The following C1QTNF7 variants were observed in gnomAD, a reference collection of about 807,000 sequenced individuals.
The protein encoded by C1QTNF7 is C1q and TNF related 7, also known as complement C1q tumor necrosis factor-related protein 7.
C1QTNF7 carries 15 observed loss-of-function variants against 19.6 expected under a neutral mutation model. That is an observed-to-expected ratio of 0.76 (90% CI 0.51 to 1.18). The LOEUF (loss-of-function observed/expected upper bound fraction) is 1.18. Among genes scored for constraint, C1QTNF7 ranks in the 50% most tolerant of loss-of-function variants. The probability of loss-of-function intolerance (pLI) is 0.00; values close to 1 mark genes in which losing one functional copy is unlikely to be tolerated. For synonymous variants in C1QTNF7, 142 were observed against 137.5 expected, an observed-to-expected ratio of 1.03 and a Z score of -0.23; for missense variants, 324 against 359.7, an observed-to-expected ratio of 0.90 and a Z score of 0.80.
At chr4:15,374,437 G>T in intron 1 of C1QTNF7, 1 of 425,970 alleles carries the variant, frequency 2.3e-6, no homozygotes, top group Non-Finnish European at 3.1e-6. Context: ...TCCCAAATAT[G>T]ATTTGGGGAG....
intron 1 of C1QTNF7, among the ~76,000 whole-genome samples, chr4:15,429,896 A>G (rs922504075): frequency 1.3e-5 from 2 of 152,126 alleles, no homozygotes; most frequent in African/African-American, 4.8e-5. Context: ...CACCACCAAC[A>G]TATTTTATTT....
At chr4:15,362,157 T>C (rs1346286786) in intron 1 of C1QTNF7, among the ~76,000 whole-genome samples, 1 of 152,178 alleles carries the variant, frequency 6.6e-6, no homozygotes, top group East Asian at 1.9e-4. Flanking sequence ...AATGAGTTAA[T>C]AATTTAAAGT....
chr4:15,428,289 T>A (rs1712144546), intron 1 of C1QTNF7, among the ~76,000 whole-genome samples, 183 bp downstream of exon 1: 1 of 152,168 alleles, frequency 6.6e-6, no homozygotes, highest in African/African-American at 2.4e-5. Context: ...GTTGCGGGAC[T>A]TCTCAGGACC....
intron 1 of C1QTNF7, among the ~76,000 whole-genome samples, chr4:15,365,471 G>A (rs560962379): frequency 1.1e-3 from 163 of 152,226 alleles, no homozygotes; most frequent in Non-Finnish European, 1.8e-3. Flanking sequence ...GTGATTTCAC[G>A]TGGTTCAACT....
At chr4:15,350,225 A>G (rs1410574622) in intron 1 of C1QTNF7, among the ~76,000 whole-genome samples, 7 of 79,064 alleles carry the variant, frequency 8.9e-5, no homozygotes, top group Admixed American at 1.5e-4. Context: ...GAGGGAAGGA[A>G]GGAGGAAAGA....
chr4:15,435,815 A>G lies in C1QTNF7; in HGVS notation c.72A>G (p.Lys24=), dbSNP rs1338602148. The G allele has an allele frequency of 6.2e-7, 1 of 1,614,144 alleles. No individual in the cohort carries two copies. Among genetic ancestry groups the G allele is most frequent in the South Asian group, 1.1e-5 (1 of 91,082 alleles). The part of the protein sequence containing the change: ...ASGQPRGNQL[K]GENYSPRYIC... ...GACAACCCCGGGGTAATCAGTTGAAAGGAGAGAACTACTCCCCCAGGTATA... is the reference window on the plus strand; with the variant it reads ...GACAACCCCGGGGTAATCAGTTGAAGGGAGAGAACTACTCCCCCAGGTATA... Residue 24 remains lysine, a synonymous_variant, in exon 2 of 3, where the codon AAA becomes AAG. Coordinates refer to ENST00000444304, the MANE Select transcript of C1QTNF7 (RefSeq NM_031911.5).
chr4:15,442,841 G>T lies in C1QTNF7; in HGVS notation c.*42G>T, dbSNP rs150973007. On this transcript the variant is annotated 3_prime_UTR_variant, in exon 3 of 3. Transcript: ENST00000444304. ...TGTGGTAAACACTCTGATTGAATCT[G>T]GGGTTCCAGAAGGTGGAACAAGCAG... The T allele has an allele frequency of 1.5e-5, 23 of 1,523,774 alleles. 1 individual carries two copies. In the African/African-American group the frequency reaches 2.4e-4, roughly 16 times the overall value. 94.4% of individuals were successfully genotyped at this position (1,523,774 alleles called of 1,614,324 possible). A position where few individuals can be genotyped will look rare whatever the true frequency, so the allele number is the denominator to read the frequency against.
At chr4:15,383,362 G>A (rs186726278) in intron 1 of C1QTNF7, among the ~76,000 whole-genome samples, 8 of 152,222 alleles carry the variant, frequency 5.3e-5, no homozygotes, top group East Asian at 1.9e-4. Flanking sequence ...AAATGGTTAC[G>A]CTAATACCAA....
upstream of C1QTNF7, among the ~76,000 whole-genome samples, chr4:15,423,545 G>A (rs867559353): frequency 6.6e-6 from 1 of 152,188 alleles, no homozygotes; most frequent in African/African-American, 2.4e-5. Context: ...GCGGCAGCAG[G>A]CACCACCTCT....
chr4:15,418,456 G>A (rs559482245), intron 1 of C1QTNF7, among the ~76,000 whole-genome samples: 21 of 151,966 alleles, frequency 1.4e-4, no homozygotes, highest in Admixed American at 8.5e-4. Flanking sequence ...TATAATTCCC[G>A]AAGTCCTCTC....
chr4:15,436,341 G>A (rs1259689297), intron 2 of C1QTNF7, among the ~76,000 whole-genome samples: 2 of 152,220 alleles, frequency 1.3e-5, no homozygotes, highest in African/African-American at 4.8e-5. Context: ...GGCTATTGCA[G>A]CCAGCAGGCA....
intron 1 of C1QTNF7, among the ~76,000 whole-genome samples, chr4:15,366,626 C>A (rs1019650311): frequency 5.9e-5 from 9 of 151,296 alleles, no homozygotes; most frequent in African/African-American, 2.2e-4. Flanking sequence ...TCCAATCTTT[C>A]TCCCTTCTCT....
chr4:15,440,498 C>T (rs1211098707), intron 2 of C1QTNF7, among the ~76,000 whole-genome samples: 1 of 151,734 alleles, frequency 6.6e-6, no homozygotes, highest in Non-Finnish European at 1.5e-5. Context: ...ACCTCCGCCT[C>T]CCGGGTTCAA....
intron 1 of C1QTNF7, among the ~76,000 whole-genome samples, chr4:15,397,327 C>T (rs1238111960): frequency 1.3e-5 from 2 of 152,140 alleles, no homozygotes; most frequent in African/African-American, 4.8e-5. Flanking sequence ...TTTCTGATCC[C>T]CTAAGACCTC....
At chr4:15,354,168 G>A (rs1373728554) in intron 1 of C1QTNF7, among the ~76,000 whole-genome samples, 1 of 152,164 alleles carries the variant, frequency 6.6e-6, no homozygotes, top group Non-Finnish European at 1.5e-5. Flanking sequence ...AAAAGGGTCT[G>A]AAGGAATGGG....
At chr4:15,411,292 G>A (rs1300729624) in intron 1 of C1QTNF7, among the ~76,000 whole-genome samples, 14 of 152,096 alleles carry the variant, frequency 9.2e-5, no homozygotes, top group Non-Finnish European at 1.9e-4. Flanking sequence ...AAAGACAAAC[G>A]AGATGAAAGA....
rs949618978 is a variant in C1QTNF7, at chr4:15,444,090, C to T, written c.*1291C>T. On this transcript the variant is annotated 3_prime_UTR_variant, in exon 3 of 3. Coordinates refer to ENST00000444304, the MANE Select transcript of C1QTNF7 (RefSeq NM_031911.5). ...TCTTCCATGATTTTGTCTGATCTAC[C>T]ATTTCTATGGTTTATGGTAATAGTA... is the stretch of plus-strand genomic sequence containing the variant. 23 of 152,114 alleles carry T rather than the reference C, an allele frequency of 1.5e-4. No individual in the cohort carries two copies. Among genetic ancestry groups the T allele is most frequent in the African/African-American group, 5.6e-4 (23 of 41,398 alleles). 9.4% of individuals were successfully genotyped at this position (152,114 alleles called of 1,614,324 possible). A position where few individuals can be genotyped will look rare whatever the true frequency, so the allele number is the denominator to read the frequency against.
At chr4:15,347,382 C>T (rs1716758594) in intron 1 of C1QTNF7, among the ~76,000 whole-genome samples, 3 of 152,184 alleles carry the variant, frequency 2.0e-5, no homozygotes, top group African/African-American at 7.2e-5. Flanking sequence ...AAAAAGTTAT[C>T]TTTCCTCTGG....
upstream of C1QTNF7, chr4:15,427,924 G>A: frequency 1.7e-6 from 1 of 591,936 alleles, no homozygotes; most frequent in South Asian, 7.4e-5. Context: ...TGACTTCCAG[G>A]GCCTTTGGCT....
Sources: allele counts gnomAD v4.1 joint callset (sites outside exome capture counted in the v4.1 genomes callset), GRCh38; gene constraint gnomAD v4.1.1; transcripts MANE v1.5; gene names NCBI Gene and HGNC (gene_info 2026-07-23, HGNC 2026-07-21).